SMIM36: variants seen among roughly 807,000 people sequenced by gnomAD.
SMIM36 encodes small integral membrane protein 36.
intron 4 of SMIM36, among the ~76,000 whole-genome samples, chr17:55,464,510 T>A (rs963787629): frequency 5.3e-5 from 8 of 151,792 alleles, no homozygotes; most frequent in Non-Finnish European, 8.8e-5. Flanking sequence ...AAAAAAAAAA[T>A]TCTAGAGTTT....
At chr17:55,518,419 T>C in the SMIM36 span, among the ~76,000 whole-genome samples, 3 of 152,226 alleles carry the variant, frequency 2.0e-5, no homozygotes, top group Admixed American at 2.0e-4. Flanking sequence ...CTATTCAAAC[T>C]ATAGCACTGG....
At position 55,466,277 on chromosome 17, in the gene SMIM36, C is replaced by CAAAAAA. The variant is rs796506078; in HGVS notation, c.*531+862_*531+867dup. Among the ~76,000 whole-genome samples the CAAAAAA allele has an allele frequency of 3.0e-3, 140 of 46,662 alleles. 1 individual carries two copies. Among genetic ancestry groups the CAAAAAA allele is most frequent in the African/African-American group, 4.3e-3 (57 of 13,328 alleles). The allele number at this position is 46,662 out of a possible 152,430, so 30.6% of individuals were successfully genotyped here. A position where few individuals can be genotyped will look rare whatever the true frequency, so the allele number is the denominator to read the frequency against. ...GGGCAACAAGATCAAGACTCCGTCT[C>CAAAAAA]AAAAAAAAAAAAAAAAAAAAAAAAA... On this transcript the variant is annotated intron_variant, in intron 4 of 4. Coordinates refer to ENST00000636752, the Ensembl canonical transcript of SMIM36.
chr17:55,510,697 G>A (rs112123629), intron 1 of SMIM36, among the ~76,000 whole-genome samples, 182 bp downstream of exon 1: 14 of 140,552 alleles, frequency 1.0e-4, no homozygotes. Context: ...TCACACACAC[G>A]CACGTGCACG....
At chr17:55,466,948 A>G (rs1468678358) in intron 4 of SMIM36, among the ~76,000 whole-genome samples, 197 bp downstream of exon 4, 1 of 152,222 alleles carries the variant, frequency 6.6e-6, no homozygotes, top group Non-Finnish European at 1.5e-5. Flanking sequence ...GCTCTGCTGC[A>G]GTGGAATGCA....
At chr17:55,529,377 C>A in the SMIM36 span, among the ~76,000 whole-genome samples, 1 of 152,170 alleles carries the variant, frequency 6.6e-6, no homozygotes, top group Non-Finnish European at 1.5e-5. Context: ...AATCCCAACA[C>A]TTTGGGAGGC....
At chr17:55,514,830 G>A (rs1251546133), upstream of SMIM36, among the ~76,000 whole-genome samples, 4 of 152,126 alleles carry the variant, frequency 2.6e-5, no homozygotes, top group African/African-American at 9.7e-5. Context: ...AACTATTCTG[G>A]ATGAAAATTT....
chr17:55,455,686 G>A (rs547351396), intron 4 of SMIM36, among the ~76,000 whole-genome samples: 3 of 152,220 alleles, frequency 2.0e-5, no homozygotes, highest in East Asian at 1.9e-4. Flanking sequence ...AGCAACTCCA[G>A]GAAGGCTGAA....
intron 1 of SMIM36, among the ~76,000 whole-genome samples, chr17:55,493,954 G>A (rs1036570256): frequency 2.6e-5 from 4 of 151,922 alleles, no homozygotes; most frequent in African/African-American, 7.3e-5. Flanking sequence ...GTGAATCCTG[G>A]CTTTCTCTCC....
At chr17:55,501,775 C>A (rs1156675754) in intron 1 of SMIM36, among the ~76,000 whole-genome samples, 4 of 151,504 alleles carry the variant, frequency 2.6e-5, no homozygotes, top group African/African-American at 9.7e-5. Context: ...CCAGCGTGAC[C>A]GACGCAGAAG....
At position 55,460,369 on chromosome 17, in the gene SMIM36, A is replaced by G. The variant is rs370699817; in HGVS notation, c.*531+6776T>C. On this transcript the variant is annotated intron_variant, in intron 4 of 4. Coordinates refer to ENST00000636752, the Ensembl canonical transcript of SMIM36. ...CTTGAATCTGGGCAGCAGAGGATGC[A>G]GTGACCCTAGATTGTGCCACTGCAT... is the stretch of plus-strand genomic sequence containing the variant. Among the ~76,000 whole-genome samples, 12 of 151,844 alleles carry G rather than the reference A, an allele frequency of 7.9e-5. No homozygotes were observed. The East Asian group carries it at 2.3e-3, about 30-fold the overall frequency.
intron 4 of SMIM36, among the ~76,000 whole-genome samples, chr17:55,466,277 CAAAAAAAAA>C (rs796506078): frequency 0.024 from 1,122 of 46,930 alleles, 26 homozygotes; most frequent in African/African-American, 0.079. Flanking sequence ...GACTCCGTCT[CAAAAAAAAA>C]AAAAAAAAAA....
chr17:55,531,569 C>A, the SMIM36 span, among the ~76,000 whole-genome samples: 1 of 152,156 alleles, frequency 6.6e-6, no homozygotes, highest in African/African-American at 2.4e-5. Flanking sequence ...GGTAGTTAAC[C>A]TTTGGCCTTG....
At chr17:55,474,630 G>A (rs1287506581) in intron 3 of SMIM36, among the ~76,000 whole-genome samples, 1 of 152,150 alleles carries the variant, frequency 6.6e-6, no homozygotes, top group African/African-American at 2.4e-5. Flanking sequence ...CTTTGGTTTT[G>A]CTTTTGACCT....
chr17:55,508,751 C>G (rs553872253), intron 1 of SMIM36, among the ~76,000 whole-genome samples: 9 of 151,438 alleles, frequency 5.9e-5, no homozygotes, highest in Admixed American at 2.0e-4. Flanking sequence ...GGTGAAACCC[C>G]GTGTCTACTA....
At chr17:55,477,319 T>A (rs1229851229) in intron 3 of SMIM36, 5 of 152,184 alleles carry the variant, frequency 3.3e-5, no homozygotes, top group Admixed American at 6.5e-5. Context: ...GGGAAGAGAA[T>A]CTTTCCTTGC....
chr17:55,500,134 T>C (rs1481429933), intron 1 of SMIM36, among the ~76,000 whole-genome samples: 1 of 152,082 alleles, frequency 6.6e-6, no homozygotes, highest in African/African-American at 2.4e-5. Flanking sequence ...AAAATTTTTT[T>C]TTTAGAGACA....
At position 55,504,642 on chromosome 17, in the gene SMIM36, ACC is replaced by A. The variant is rs1227137362; in HGVS notation, c.*174+6235_*174+6236del. Among the ~76,000 whole-genome samples the A allele has an allele frequency of 2.3e-5, 2 of 85,728 alleles. 1 individual carries two copies. Among genetic ancestry groups the A allele is most frequent in the Non-Finnish European group, 4.1e-5 (2 of 48,932 alleles). 56.2% of individuals were successfully genotyped at this position (85,728 alleles called of 152,430 possible). On this transcript the variant is annotated intron_variant, in intron 1 of 4. Transcript: ENST00000636752. ...AAAGCAGGAACGATCCAAAATTGAC[ACC>A]CTAACATCACAATTAGAAGAACTAG...
intron 4 of SMIM36, among the ~76,000 whole-genome samples, chr17:55,463,987 G>C (rs1470322315): frequency 6.6e-6 from 1 of 151,976 alleles, no homozygotes; most frequent in East Asian, 1.9e-4. Flanking sequence ...GTGGAGGCAT[G>C]TTCCTGTATC....
At chr17:55,474,354 C>A (rs929300737) in intron 3 of SMIM36, among the ~76,000 whole-genome samples, 1 of 152,116 alleles carries the variant, frequency 6.6e-6, no homozygotes, top group East Asian at 1.9e-4. Flanking sequence ...TTGAGTGATG[C>A]GGATCCTGAG....
Sources: gnomAD v4.1 joint callset for allele counts (sites outside exome capture counted in the v4.1 genomes callset) on GRCh38, gnomAD v4.1.1 for gene constraint, MANE v1.5 for transcripts, NCBI Gene and HGNC (gene_info 2026-07-23, HGNC 2026-07-21) for gene names.